Variants in SDCCAG8 observed in about 807,000 individuals in gnomAD.
SDCCAG8 encodes the protein SHH signaling and ciliogenesis regulator SDCCAG8, also known as serologically defined colon cancer antigen 8.
In SDCCAG8, 74 loss-of-function variants were observed where a neutral mutation model predicts 101.8. The ratio of observed to expected loss-of-function variants is 0.73; its 90% CI spans 0.60 to 0.88. The LOEUF is 0.88. SDCCAG8 is among the 40% of genes least tolerant of loss of function. The pLI, the probability that SDCCAG8 is intolerant of heterozygous loss-of-function variation, is 0.00. For missense variants in SDCCAG8, 787 were observed against 822.6 expected (o/e 0.96, Z 0.53); for synonymous variants, 281 against 292.9 (o/e 0.96, Z 0.41).
chr1:243,431,416 G>A (rs1015146637), intron 16 of SDCCAG8, among the ~76,000 whole-genome samples: 1 of 152,160 alleles, frequency 6.6e-6, no homozygotes, highest in Non-Finnish European at 1.5e-5. Flanking sequence ...TGGGTGCCTA[G>A]TGCTGCTACT....
chr1:243,437,559 C>T (rs1574041118), intron 16 of SDCCAG8, among the ~76,000 whole-genome samples: 1 of 119,546 alleles, frequency 8.4e-6, no homozygotes, highest in South Asian at 2.7e-4. Flanking sequence ...TGTATTGAAA[C>T]AGAGTCTCGC....
intron 9 of SDCCAG8, chr1:243,318,636 A>C (rs182749683): frequency 2.5e-5 from 22 of 896,874 alleles, no homozygotes; most frequent in Middle Eastern, 1.1e-3. Context: ...TTTGAAACTT[A>C]GGTTCAGTTA....
intron 16 of SDCCAG8, among the ~76,000 whole-genome samples, chr1:243,441,470 A>G (rs1200339986): frequency 6.6e-6 from 1 of 150,670 alleles, no homozygotes; most frequent in East Asian, 1.9e-4. Flanking sequence ...CATTTCTAGA[A>G]TACTCTCTTC....
intron 12 of SDCCAG8, among the ~76,000 whole-genome samples, chr1:243,372,950 CTATCTA>C (rs2077384698): frequency 7.6e-6 from 1 of 132,246 alleles, no homozygotes; most frequent in Non-Finnish European, 1.6e-5. Context: ...ATATCTATAT[CTATCTA>C]TATATATATC....
intron 16 of SDCCAG8, among the ~76,000 whole-genome samples, chr1:243,445,744 A>G (rs1040808635): frequency 5.3e-5 from 8 of 152,188 alleles, no homozygotes; most frequent in African/African-American, 1.9e-4. Context: ...TTCATGCAGA[A>G]TTTGCTATTT....
At chr1:243,277,467 C>T (rs980397257) in intron 4 of SDCCAG8, among the ~76,000 whole-genome samples, 5 of 152,146 alleles carry the variant, frequency 3.3e-5, no homozygotes, top group Non-Finnish European at 5.9e-5. Flanking sequence ...CTGTTCAGGT[C>T]GTTCACCCAT....
intron 16 of SDCCAG8, chr1:243,475,976 A>G: frequency 1.0e-6 from 1 of 985,392 alleles, no homozygotes. Context: ...GCTGGAACCC[A>G]CTAGAAACCA....
intron 16 of SDCCAG8, among the ~76,000 whole-genome samples, chr1:243,473,205 A>C (rs574517327): frequency 2.0e-5 from 3 of 152,330 alleles, no homozygotes; most frequent in Admixed American, 6.5e-5. Flanking sequence ...CAAATTTGTC[A>C]GTCTTAGAAT....
chr1:243,284,698 C>T (rs886846229), intron 4 of SDCCAG8, among the ~76,000 whole-genome samples: 2 of 152,122 alleles, frequency 1.3e-5, no homozygotes, highest in African/African-American at 4.8e-5. Context: ...CTGGTAAAGT[C>T]GTTTCCCTTG....
intron 17 of SDCCAG8, 65 bp from the exon 18 acceptor site, chr1:243,499,691 A>C (rs372618844): frequency 3.1e-6 from 4 of 1,297,250 alleles, no homozygotes; most frequent in Non-Finnish European, 4.5e-6. Flanking sequence ...AAACCAGCAA[A>C]TGAGAAGACA....
intron 16 of SDCCAG8, among the ~76,000 whole-genome samples, chr1:243,437,501 C>T (rs1176535791): frequency 6.6e-6 from 1 of 150,782 alleles, no homozygotes; most frequent in South Asian, 2.1e-4. Context: ...TAATATCTAT[C>T]GTCAAATCCT....
intron 16 of SDCCAG8, among the ~76,000 whole-genome samples, chr1:243,447,054 C>A (rs1457402201): frequency 6.6e-6 from 1 of 151,994 alleles, no homozygotes; most frequent in Non-Finnish European, 1.5e-5. Flanking sequence ...GAGTTCAAGA[C>A]CAGCCTGGCC....
chr1:243,374,086 T>TA (rs1189240714), intron 12 of SDCCAG8, among the ~76,000 whole-genome samples: 1 of 151,990 alleles, frequency 6.6e-6, no homozygotes, highest in Non-Finnish European at 1.5e-5. Context: ...AAAGTGTCCG[T>TA]AAAAACAAGA....
intron 12 of SDCCAG8, among the ~76,000 whole-genome samples, chr1:243,369,540 G>C (rs2147877166): frequency 6.6e-6 from 1 of 152,234 alleles, no homozygotes; most frequent in East Asian, 1.9e-4. Context: ...CTGATTTTAT[G>C]ATGGTAATGT....
chr1:243,374,775 A>T (rs1001982543), intron 12 of SDCCAG8, among the ~76,000 whole-genome samples: 1 of 152,140 alleles, frequency 6.6e-6, no homozygotes, highest in African/African-American at 2.4e-5. Context: ...CTAAAAGAGC[A>T]TAGGGAAGGC....
intron 16 of SDCCAG8, chr1:243,476,425 C>A: frequency 1.1e-6 from 1 of 908,934 alleles, no homozygotes; most frequent in Non-Finnish European, 1.3e-6. Flanking sequence ...TATGCCATCA[C>A]ACCTCTGTGG....
chr1:243,349,011 A>C (rs1324567893), intron 12 of SDCCAG8, among the ~76,000 whole-genome samples: 5 of 131,324 alleles, frequency 3.8e-5, no homozygotes, highest in Admixed American at 7.5e-5. Context: ...CAAACAAAAC[A>C]AAAAAAAAAA....
chr1:243,294,526 A>AGAGAGAG (rs1553298249), intron 6 of SDCCAG8, among the ~76,000 whole-genome samples: 1 of 147,558 alleles, frequency 6.8e-6, no homozygotes, highest in Non-Finnish European at 1.5e-5. Flanking sequence ...AGAGAGAGAG[A>AGAGAGAG]ACAACCCACC....
intron 5 of SDCCAG8, among the ~76,000 whole-genome samples, chr1:243,289,260 G>A (rs1401291080): frequency 6.6e-6 from 1 of 152,148 alleles, no homozygotes; most frequent in African/African-American, 2.4e-5. Flanking sequence ...ACAGGAGAAA[G>A]ATGTAGGCTG....
Sources: gnomAD v4.1 joint callset for allele counts (sites outside exome capture counted in the v4.1 genomes callset) on GRCh38, gnomAD v4.1.1 for gene constraint, MANE v1.5 for transcripts, NCBI Gene and HGNC (gene_info 2026-07-23, HGNC 2026-07-21) for gene names.